Variants in CDC42BPG observed in about 807,000 individuals in gnomAD.
CDC42BPG encodes CDC42 binding protein kinase gamma, also known as serine/threonine-protein kinase MRCK gamma.
CDC42BPG carries 157 observed loss-of-function variants against 192.2 expected under a neutral mutation model. The observed-to-expected ratio is 0.82, with a 90% CI of 0.72 to 0.93. The LOEUF is 0.93. Ranked by LOEUF, CDC42BPG falls within the 40% of genes least tolerant of loss-of-function variation. The pLI is 0.00. For missense variants in CDC42BPG, 1,992 were observed against 2,122.1 expected (o/e 0.94, Z 1.20); for synonymous variants, 981 against 918.5 (o/e 1.07, Z -1.23).
At position 64,838,882 on chromosome 11, in the gene CDC42BPG, C is replaced by T. The variant is rs1024044003; in HGVS notation, c.897G>A (p.Pro299=). The T allele has an allele frequency of 1.4e-5, 19 of 1,392,222 alleles. No homozygotes were observed. The highest frequency in any genetic ancestry group is 1.8e-4 in the Middle Eastern group (1 of 5,598). The allele number at this position is 1,392,222 out of a possible 1,614,324, so 86.2% of individuals were successfully genotyped here. A position where few individuals can be genotyped will look rare whatever the true frequency, so the allele number is the denominator to read the frequency against. The change falls in exon 8 of 37, where the codon CCG becomes CCA. Residue 299 remains proline, a synonymous_variant. Transcript: ENST00000342711. ...CGCTGGCTGGCACGTCAGGCACGTC[C>T]GGGGGGAACTGCAGGTGGTCCTGTG... ...MNHEDHLQFP[P]DVPDVPASAQ...
At chr11:64,828,801 C>T (rs1445071519) in intron 30 of CDC42BPG, among the ~76,000 whole-genome samples, 1 of 152,202 alleles carries the variant, frequency 6.6e-6, no homozygotes, top group Non-Finnish European at 1.5e-5. Context: ...CCTGTAATCC[C>T]AGCACTTTGG....
chr11:64,844,059 G>C (rs1051233633), intron 1 of CDC42BPG, among the ~76,000 whole-genome samples: 4 of 152,204 alleles, frequency 2.6e-5, no homozygotes, highest in African/African-American at 2.4e-5. Context: ...ATGAGGGTCT[G>C]TGTGTGTCCT....
chr11:64,838,924 A>C, intron 7 of CDC42BPG, 22 bp from the exon 8 acceptor site: 1 of 1,542,822 alleles, frequency 6.5e-7, no homozygotes, highest in East Asian at 2.2e-5. Flanking sequence ...GGGAGGGGGC[A>C]GGCTGGGTCA....
Position 64,840,552 on chromosome 11 carries a change from C to T in CDC42BPG, c.432+1G>A. 1 of 1,613,800 alleles carries T rather than the reference C, an allele frequency of 6.2e-7. No homozygotes were observed. Among genetic ancestry groups the T allele is most frequent in the Non-Finnish European group, 8.5e-7 (1 of 1,179,842 alleles). ...CCTCCAGCCCCGCCACGTATCCTCACCAGGTACTCCTCGTCTTGGAAGGCA... is the reference window on the plus strand; with the variant it reads ...CCTCCAGCCCCGCCACGTATCCTCATCAGGTACTCCTCGTCTTGGAAGGCA... On this transcript the variant is annotated splice_donor_variant, in intron 4 of 36. Transcript: ENST00000342711. LOFTEE classifies it high-confidence loss of function.
intron 33 of CDC42BPG, 46 bp downstream of exon 33, chr11:64,827,232 G>A (rs1942468477): frequency 3.1e-6 from 5 of 1,613,190 alleles, no homozygotes; most frequent in Non-Finnish European, 3.4e-6. Flanking sequence ...GTCCACAAGC[G>A]GAGGCGGCCC....
At chr11:64,827,029 G>C (rs748502915) in intron 34 of CDC42BPG, 21 bp downstream of exon 34, 2 of 1,531,722 alleles carry the variant, frequency 1.3e-6, no homozygotes, top group South Asian at 2.3e-5. Flanking sequence ...AGTGGCTTGT[G>C]ATTGGCTCCA....
intron 30 of CDC42BPG, among the ~76,000 whole-genome samples, chr11:64,829,151 C>T (rs546460140): frequency 3.3e-5 from 5 of 152,196 alleles, no homozygotes; most frequent in African/African-American, 7.2e-5. Context: ...CCCCAGGAGG[C>T]GGAGGTGGCA....
chr11:64,837,159 C>T (rs755351931), intron 9 of CDC42BPG, 140 bp from the exon 10 acceptor site: 3 of 718,964 alleles, frequency 4.2e-6, no homozygotes, highest in South Asian at 3.4e-5. Flanking sequence ...ACTGGTGCCA[C>T]GGGTGGCAGC....
At chr11:64,835,911 C>T (rs1387235664) in intron 13 of CDC42BPG, 60 bp from the exon 14 acceptor site, 4 of 1,490,288 alleles carry the variant, frequency 2.7e-6, no homozygotes, top group Admixed American at 1.9e-5. Context: ...CCTCTGCCCA[C>T]CTTACCATGG....
chr11:64,836,398 AGC>A (rs67789387), intron 12 of CDC42BPG, 27 bp downstream of exon 12: 229 of 1,111,260 alleles, frequency 2.1e-4, no homozygotes, highest in African/African-American at 1.2e-3. Context: ...CACCTCACCC[AGC>A]CCTCACCCAC....
rs755728244 is a variant in CDC42BPG at position 64,841,899 on chromosome 11, G to T, written c.166C>A (p.Pro56Thr). 3 of 1,602,246 alleles carry T rather than the reference G, an allele frequency of 1.9e-6. No homozygotes were observed. Among genetic ancestry groups the T allele is most frequent in the East Asian group, 2.3e-5 (1 of 43,922 alleles). ...AGTTCTTTCACCTTTGATACGAAGG[G>T]GCTGGCTGAGGGGACACAGGGCGGG... ...SVAQFLSWAS[P>T]FVSKVKELRL... Residue 56 changes from proline to threonine, a missense_variant, in exon 2 of 37, where the codon CCC becomes ACC. This residue lies in a region of CDC42BPG where 1,656 missense variants were observed against 1,844.3 expected (regional missense o/e 0.90). Transcript: ENST00000342711.
chr11:64,833,990 G>T lies in CDC42BPG; in HGVS notation c.2414-13C>A. 2 of 1,614,184 alleles carry T rather than the reference G, an allele frequency of 1.2e-6. No individual in the cohort carries two copies. Among genetic ancestry groups the T allele is most frequent in the Non-Finnish European group, 1.7e-6 (2 of 1,180,010 alleles). Reference sequence around the variant, plus strand: ...GAGGGCTTGGTGTCTGCAAAGAAAGGGTGGGTCACTGGCCTGGGGTCCCTG... The same window carrying T: ...GAGGGCTTGGTGTCTGCAAAGAAAGTGTGGGTCACTGGCCTGGGGTCCCTG... On this transcript the variant is annotated splice_polypyrimidine_tract_variant and intron_variant, in intron 20 of 36. Coordinates refer to ENST00000342711, the MANE Select transcript of CDC42BPG (RefSeq NM_017525.3).
rs560288145 is a variant in CDC42BPG at position 64,835,790 on chromosome 11, T to G, written c.1730A>C (p.Gln577Pro). The G allele has an allele frequency of 2.5e-6, 4 of 1,613,384 alleles. No homozygotes were observed. Among genetic ancestry groups the G allele is most frequent in the Non-Finnish European group, 8.5e-7 (1 of 1,179,936 alleles). The change falls in exon 14 of 37, where the codon CAA becomes CCA. Residue 577 changes from glutamine to proline, a missense_variant. By Grantham distance (76) the Gln-to-Pro change is moderately conservative (BLOSUM62 -1). Around this residue, in one of 2 missense-constraint regions of CDC42BPG, gnomAD observed 1,656 missense variants for 1,844.3 expected, o/e 0.90. Transcript: ENST00000342711. ...QVTQLQGQWE[Q>P]RLEESSQAKT... Reference sequence around the variant, plus strand: ...GGCCTGGGACGACTCCTCAAGGCGTTGCTCCCACTGTCCCTGCAGCTGCGT... The same window carrying G: ...GGCCTGGGACGACTCCTCAAGGCGTGGCTCCCACTGTCCCTGCAGCTGCGT...
chr11:64,828,777 C>T (rs530272485), intron 30 of CDC42BPG, among the ~76,000 whole-genome samples: 1 of 152,112 alleles, frequency 6.6e-6, no homozygotes, highest in African/African-American at 2.4e-5. Flanking sequence ...TTAGGCTGGA[C>T]GCGTTGGCTA....
intron 1 of CDC42BPG, among the ~76,000 whole-genome samples, chr11:64,842,614 C>T (rs756426378): frequency 8.5e-5 from 13 of 152,198 alleles, no homozygotes; most frequent in Non-Finnish European, 1.5e-4. Flanking sequence ...CAGGCCTGAC[C>T]GGCTCTCTCA....
intron 1 of CDC42BPG, among the ~76,000 whole-genome samples, chr11:64,842,452 G>A (rs903583588): frequency 5.9e-5 from 9 of 152,182 alleles, no homozygotes; most frequent in Non-Finnish European, 1.2e-4. Context: ...CCTAGGGCAG[G>A]GAGGACAGGC....
Position 64,827,850 on chromosome 11 carries a change from G to A in CDC42BPG, c.3968-67C>T, listed in dbSNP as rs1592684751. 2.3e-5 allele frequency: 32 copies of A among 1,368,124 alleles called. No homozygotes were observed. The East Asian group carries it at 7.5e-4, about 32-fold the overall frequency. 84.7% of individuals were successfully genotyped at this position (1,368,124 alleles called of 1,614,324 possible). A position where few individuals can be genotyped will look rare whatever the true frequency, so the allele number is the denominator to read the frequency against. On this transcript the variant is annotated intron_variant, in intron 30 of 36. Coordinates refer to ENST00000342711, the MANE Select transcript of CDC42BPG (RefSeq NM_017525.3). Reference sequence around the variant, plus strand: ...TTCCACAGGGAACACCTTGTCCCCTGCCACAGCACAGTAACTACCATGCCC... The same window carrying A: ...TTCCACAGGGAACACCTTGTCCCCTACCACAGCACAGTAACTACCATGCCC...
At chr11:64,834,004 C>T in intron 20 of CDC42BPG, 27 bp from the exon 21 acceptor site, 1 of 1,614,096 alleles carries the variant, frequency 6.2e-7, no homozygotes, top group Non-Finnish European at 8.5e-7. Context: ...GGTCACTGGC[C>T]TGGGGTCCCT....
intron 1 of CDC42BPG, 71 bp from the exon 2 acceptor site, chr11:64,841,975 G>A: frequency 1.6e-6 from 2 of 1,225,502 alleles, no homozygotes; most frequent in Non-Finnish European, 2.3e-6. Flanking sequence ...CCTTGGGCAA[G>A]CCAGGAGCTG....
Sources: gnomAD v4.1 joint callset for allele counts (sites outside exome capture counted in the v4.1 genomes callset) on GRCh38, gnomAD v4.1.1 for gene constraint, gnomAD v4.1.1 regional missense constraint, MANE v1.5 for transcripts, NCBI Gene and HGNC (gene_info 2026-07-23, HGNC 2026-07-21) for gene names.